The following NOD1 variants were observed in gnomAD, a reference collection of about 807,000 sequenced individuals.
The protein encoded by NOD1 is nucleotide binding oligomerization domain containing 1, also known as nucleotide-binding oligomerization domain-containing protein 1.
Under a neutral mutation model 81.2 loss-of-function variants are expected in NOD1, and 70 were observed. The observed-to-expected ratio is 0.86, with a 90% confidence interval of 0.71 to 1.05. NOD1 has a LOEUF of 1.05. Ranked by LOEUF, NOD1 falls within the 50% of genes least tolerant of loss-of-function variation. NOD1 has a pLI of 0.00. For missense variants in NOD1, 1,233 were observed against 1,228.0 expected (o/e 1.00, Z -0.06); for synonymous variants, 508 against 526.9 (o/e 0.96, Z 0.49).
intron 11 of NOD1, among the ~76,000 whole-genome samples, chr7:30,435,483 C>T (rs1032066759): frequency 3.0e-4 from 45 of 152,160 alleles, no homozygotes; most frequent in African/African-American, 1.1e-3. Context: ...ATCCAGGCTC[C>T]CGGAGCCCAC....
At chr7:30,447,364 C>T (rs959518463) in intron 7 of NOD1, 2 of 394,158 alleles carry the variant, frequency 5.1e-6, no homozygotes, top group African/African-American at 4.1e-5. Flanking sequence ...AACGCAAAGC[C>T]CTGGTGCATG....
In NOD1 at chr7:30,449,279, G is replaced by A. The variant is rs1279667141; in HGVS notation, c.2202-898C>T. On this transcript the variant is annotated intron_variant, in intron 6 of 13. Transcript: ENST00000222823. Reference sequence around the variant, plus strand: ...CCAGCTTGGTGCTGGGAAATAGTGTGTATGTACATGGCATGGCCAGCCCAA... The same window carrying A: ...CCAGCTTGGTGCTGGGAAATAGTGTATATGTACATGGCATGGCCAGCCCAA... 3.9e-5 allele frequency among the ~76,000 whole-genome samples: 6 copies of A among 152,170 alleles called. No homozygotes were observed. In the East Asian group the frequency reaches 1.2e-3, roughly 29 times the overall value.
intron 12 of NOD1, among the ~76,000 whole-genome samples, chr7:30,430,714 C>A (rs1280952576): frequency 6.6e-6 from 1 of 152,204 alleles, no homozygotes; most frequent in Non-Finnish European, 1.5e-5. Flanking sequence ...GAGTGCCCCC[C>A]ATCCACTGGG....
intron 1 of NOD1, chr7:30,460,760 C>A: frequency 1.2e-6 from 1 of 846,536 alleles, no homozygotes; most frequent in Non-Finnish European, 1.4e-6. Context: ...CATTTCCTCT[C>A]AACCGCTCTT....
chr7:30,429,182 G>T (rs1031815197), intron 13 of NOD1, among the ~76,000 whole-genome samples, 192 bp downstream of exon 13: 5 of 152,264 alleles, frequency 3.3e-5, no homozygotes, highest in African/African-American at 9.6e-5. Flanking sequence ...AGCTTCTCTC[G>T]TAGTGACCTT....
chr7:30,446,801 C>A (rs1016912324), intron 8 of NOD1, 166 bp downstream of exon 8: 1 of 600,232 alleles, frequency 1.7e-6, no homozygotes, highest in Non-Finnish European at 2.9e-6. Flanking sequence ...CTTCCAGAAT[C>A]CAAGCCTCAC....
chr7:30,473,703 T>C (rs1040349584), intron 1 of NOD1, among the ~76,000 whole-genome samples: 4 of 152,142 alleles, frequency 2.6e-5, no homozygotes, highest in Non-Finnish European at 1.5e-5. Context: ...TCCAGAAATA[T>C]GGCCCTACAC....
intron 1 of NOD1, among the ~76,000 whole-genome samples, chr7:30,473,123 C>T (rs899241886): frequency 6.6e-6 from 1 of 152,184 alleles, no homozygotes; most frequent in East Asian, 1.9e-4. Flanking sequence ...GCCAGAAAAG[C>T]AATTACTACC....
At position 30,460,731 on chromosome 7, in the gene NOD1, G is replaced by C. The variant is rs1002845618; in HGVS notation, c.-351-690C>G. ...GTGGGCAGTGAGGGAGCCCCGAAGG[G>C]AGCTGGGGGTTGCACAGGCATTTCC... On this transcript the variant is annotated intron_variant, in intron 1 of 13. Coordinates refer to ENST00000222823, the MANE Select transcript of NOD1 (RefSeq NM_006092.4). 66 of 966,466 alleles carry C rather than the reference G, an allele frequency of 6.8e-5. No individual in the cohort carries two copies. The African/African-American group carries it at 1.2e-3, about 17-fold the overall frequency. 59.9% of individuals were successfully genotyped at this position (966,466 alleles called of 1,614,324 possible). A position where few individuals can be genotyped will look rare whatever the true frequency, so the allele number is the denominator to read the frequency against.
At position 30,446,182 on chromosome 7, in the gene NOD1, G is replaced by A. The variant is rs762163484; in HGVS notation, c.2412C>T (p.Leu804=). The A allele has an allele frequency of 1.6e-5, 26 of 1,614,014 alleles. No homozygotes were observed. The highest frequency in any genetic ancestry group is 1.6e-4 in the Middle Eastern group (1 of 6,084). Residue 804 remains leucine, a synonymous_variant, in exon 9 of 14, where the codon CTC becomes CTT. Coordinates refer to ENST00000222823, the MANE Select transcript of NOD1 (RefSeq NM_006092.4). ...NKITSEGGKY[L]ALAVKNSKSI... The stretch of plus-strand genomic sequence containing the variant: ...ATTTGCTGTTCTTCACAGCCAGGGC[G>A]AGATACTTCCCTCCTTCACTTGTTA...
intron 5 of NOD1, among the ~76,000 whole-genome samples, chr7:30,454,872 T>C (rs2128062840): frequency 6.6e-6 from 1 of 152,298 alleles, no homozygotes; most frequent in East Asian, 1.9e-4. Context: ...TATGTCAGAA[T>C]AGGAAGAAAG....
At chr7:30,462,121 TTC>T (rs529993986) in intron 1 of NOD1, among the ~76,000 whole-genome samples, 12 of 152,214 alleles carry the variant, frequency 7.9e-5, no homozygotes, top group Non-Finnish European at 1.8e-4. Flanking sequence ...TCACTGAAAA[TTC>T]TGCAAACTCA....
chr7:30,456,866 TG>T lies in NOD1; in HGVS notation c.55del (p.His19ThrfsTer5). ...CCGATTGCTTTTCAGTAATTGAATGTGGGGGTGAGACTCTGATGGGATTATT... is the reference window on the plus strand; with the variant it reads ...CCGATTGCTTTTCAGTAATTGAATGTGGGGTGAGACTCTGATGGGATTATT... ...MEIIPSESHPHIQLLKSNREL... is the reference protein window; with the variant it reads ...MEIIPSESHPXIQLLKSNREL... On this transcript the variant is annotated frameshift_variant, in exon 4 of 14. Coordinates refer to ENST00000222823, the MANE Select transcript of NOD1 (RefSeq NM_006092.4). LOFTEE classifies it high-confidence loss of function. The T allele has an allele frequency of 6.2e-7, 1 of 1,614,196 alleles. No homozygotes were observed. Among genetic ancestry groups the T allele is most frequent in the Non-Finnish European group, 8.5e-7 (1 of 1,180,020 alleles).
chr7:30,428,802 G>A (rs1000554153), intron 13 of NOD1, among the ~76,000 whole-genome samples: 6 of 152,160 alleles, frequency 3.9e-5, no homozygotes, highest in Non-Finnish European at 7.3e-5. Context: ...CTGCTGAGTG[G>A]GGAGTGTCTG....
At chr7:30,446,685 T>C (rs947423382) in intron 8 of NOD1, 2 of 436,884 alleles carry the variant, frequency 4.6e-6, no homozygotes, top group South Asian at 3.1e-5. Flanking sequence ...GGAAACTCCC[T>C]TGGGGCAAAA....
intron 12 of NOD1, among the ~76,000 whole-genome samples, chr7:30,430,653 G>A (rs780393486): frequency 6.1e-4 from 93 of 152,270 alleles, no homozygotes; most frequent in South Asian, 2.1e-4. Flanking sequence ...AGAAATAAAC[G>A]CATCTGTCTG....
chr7:30,430,652 C>G (rs897721872), intron 12 of NOD1, among the ~76,000 whole-genome samples: 1 of 152,212 alleles, frequency 6.6e-6, no homozygotes, highest in African/African-American at 2.4e-5. Context: ...AAGAAATAAA[C>G]GCATCTGTCT....
Position 30,447,965 on chromosome 7 carries a change from G to A in NOD1, c.2285+333C>T, listed in dbSNP as rs138567623. ...CCAAAGGCTCTGGATGAGGGATTAT[G>A]GACCCAAAATAGTCCAGACTAATAT... On this transcript the variant is annotated intron_variant, in intron 7 of 13. Coordinates refer to ENST00000222823, the MANE Select transcript of NOD1 (RefSeq NM_006092.4). 2.1e-3 allele frequency: 537 copies of A among 250,148 alleles called. 4 individuals carry two copies. The highest frequency in any genetic ancestry group is 0.011 in the African/African-American group (496 of 44,836). 15.5% of individuals were successfully genotyped at this position (250,148 alleles called of 1,614,324 possible).
In NOD1 at chr7:30,463,873, A is replaced by G. The variant is rs142008336; in HGVS notation, c.-351-3832T>C. On this transcript the variant is annotated intron_variant, in intron 1 of 13. Coordinates refer to ENST00000222823, the MANE Select transcript of NOD1 (RefSeq NM_006092.4). ...AAGTTCCCTATTATCCACATGCAAT[A>G]ACCACTATTCTCATTTTGGAGCACT... The G allele has an allele frequency of 5.5e-4, 83 of 152,222 alleles. 1 individual carries two copies. Among genetic ancestry groups the G allele is most frequent in the Non-Finnish European group, 1.0e-3 (68 of 68,034 alleles). The allele number at this position is 152,222 out of a possible 1,614,324, so 9.4% of individuals were successfully genotyped here.
Sources: gnomAD v4.1 joint callset for allele counts (sites outside exome capture counted in the v4.1 genomes callset) on GRCh38, gnomAD v4.1.1 for gene constraint, MANE v1.5 for transcripts, NCBI Gene and HGNC (gene_info 2026-07-23, HGNC 2026-07-21) for gene names.